ADRA1D: variants seen among roughly 807,000 people sequenced by gnomAD.
ADRA1D encodes alpha-1D adrenergic receptor.
ADRA1D carries 22 observed loss-of-function variants against 18.6 expected under a neutral mutation model. The ratio of observed to expected loss-of-function variants is 1.19; its 90% CI spans 0.85 to 1.69. The LOEUF is 1.69. Ranked by LOEUF, ADRA1D falls within the 40% of genes most tolerant of loss-of-function variation. The pLI is 0.00. For missense variants in ADRA1D, 840 were observed against 840.7 expected (o/e 1.00, Z 0.01); for synonymous variants, 376 against 388.2 (o/e 0.97, Z 0.37).
intron 1 of ADRA1D, among the ~76,000 whole-genome samples, chr20:4,237,247 A>AT: frequency 6.6e-6 from 1 of 151,996 alleles, no homozygotes; most frequent in African/African-American, 2.4e-5. Flanking sequence ...AGGACTTAAA[A>AT]TTTTGAGACC....
At chr20:4,247,658 G>C (rs1453228776) in intron 1 of ADRA1D, among the ~76,000 whole-genome samples, 189 bp downstream of exon 1, 1 of 152,202 alleles carries the variant, frequency 6.6e-6, no homozygotes, top group Non-Finnish European at 1.5e-5. Flanking sequence ...AAACGAACCT[G>C]GCGAGGATGA....
chr20:4,246,150 C>T lies in ADRA1D; in HGVS notation c.1111+1697G>A, dbSNP rs1981332594. Among the ~76,000 whole-genome samples the T allele has an allele frequency of 3.9e-5, 6 of 152,186 alleles. No homozygotes were observed. The South Asian group carries it at 1.2e-3, about 32-fold the overall frequency. On this transcript the variant is annotated intron_variant, in intron 1 of 1. Coordinates refer to ENST00000379453, the MANE Select transcript of ADRA1D (RefSeq NM_000678.4). Reference sequence around the variant, plus strand: ...AGCCTGTGATCCTCACTGCAGTGCTCTCTTTTGCTCCCCACATACCAGGCC... The same window carrying T: ...AGCCTGTGATCCTCACTGCAGTGCTTTCTTTTGCTCCCCACATACCAGGCC...
chr20:4,232,642 T>G (rs965216665), intron 1 of ADRA1D, among the ~76,000 whole-genome samples: 2 of 152,210 alleles, frequency 1.3e-5, no homozygotes, highest in Non-Finnish European at 2.9e-5. Context: ...GCTCACAAAG[T>G]CCCTTTCAGG....
At chr20:4,229,225 C>T (rs1319557289) in intron 1 of ADRA1D, among the ~76,000 whole-genome samples, 3 of 152,186 alleles carry the variant, frequency 2.0e-5, no homozygotes, top group African/African-American at 4.8e-5. Flanking sequence ...AGACCTCTCT[C>T]CTTAATTCCA....
intron 1 of ADRA1D, among the ~76,000 whole-genome samples, chr20:4,227,710 CCTT>C (rs1568763408): frequency 1.7e-5 from 1 of 57,586 alleles, no homozygotes; most frequent in Non-Finnish European, 4.2e-5. Flanking sequence ...CTCCCTCCTT[CCTT>C]CCTTCCTTCC....
At chr20:4,228,068 C>G (rs994557631) in intron 1 of ADRA1D, among the ~76,000 whole-genome samples, 1 of 152,174 alleles carries the variant, frequency 6.6e-6, no homozygotes, top group Non-Finnish European at 1.5e-5. Flanking sequence ...AACTTCCTGT[C>G]TTTTCTCTCT....
At chr20:4,236,872 G>A (rs78447721) in intron 1 of ADRA1D, among the ~76,000 whole-genome samples, 2,707 of 152,310 alleles carry the variant, frequency 0.018, 81 homozygotes, top group African/African-American at 0.061. Flanking sequence ...GGAAGGGGCC[G>A]GGGAGAGAAT....
intron 1 of ADRA1D, among the ~76,000 whole-genome samples, chr20:4,224,155 T>C (rs1040269772): frequency 1.3e-5 from 2 of 152,170 alleles, no homozygotes; most frequent in Non-Finnish European, 2.9e-5. Flanking sequence ...AAGTTCAGCT[T>C]TTATTTTGTG....
chr20:4,248,376 C>G lies in ADRA1D; in HGVS notation c.582G>C (p.Arg194=), dbSNP rs149074344. ...ILSLCTISVD[R]YVGVRHSLKY... is the part of the protein sequence containing the mutation. The stretch of plus-strand genomic sequence containing the variant: ...TGAGTGAGTGGCGCACGCCCACGTA[C>G]CGGTCCACGGAGATGGTGCAGAGGC... Residue 194 remains arginine (R), a synonymous_variant, in exon 1 of 2, where the codon CGG becomes CGC. Coordinates refer to ENST00000379453, the MANE Select transcript of ADRA1D (RefSeq NM_000678.4). 2 of 1,608,916 alleles carry G rather than the reference C, an allele frequency of 1.2e-6. No homozygotes were observed. The highest frequency in any genetic ancestry group is 1.7e-6 in the Non-Finnish European group (2 of 1,177,792).
Position 4,221,347 on chromosome 20 carries a change from C to G in ADRA1D, c.*176G>C, listed in dbSNP as rs1196674385. ...CAGCAGGGGGCCCCACTACTTTTCA[C>G]CTTTCAAGGGCTCCAGCCTCAAGCT... On this transcript the variant is annotated 3_prime_UTR_variant, in exon 2 of 2. Transcript: ENST00000379453. 1.4e-6 allele frequency: 1 copy of G among 694,292 alleles called. No homozygotes were observed. Among genetic ancestry groups the G allele is most frequent in the East Asian group, 3.1e-5 (1 of 32,486 alleles). 43.0% of individuals were successfully genotyped at this position (694,292 alleles called of 1,614,324 possible). A position where few individuals can be genotyped will look rare whatever the true frequency, so the allele number is the denominator to read the frequency against.
At position 4,221,486 on chromosome 20, in the gene ADRA1D, C is replaced by A. The variant is rs750882775; in HGVS notation, c.*37G>T. 2 of 1,571,270 alleles carry A rather than the reference C, an allele frequency of 1.3e-6. No individual in the cohort carries two copies. The highest frequency in any genetic ancestry group is 1.7e-6 in the Non-Finnish European group (2 of 1,154,578). On this transcript the variant is annotated 3_prime_UTR_variant, in exon 2 of 2. Transcript: ENST00000379453. The stretch of plus-strand genomic sequence containing the variant: ...CCGCCTCTCTGGTCCCCCTTACCCC[C>A]AAGCCCAGCACACTCCGCGGCCTAG...
At chr20:4,231,038 T>TTCTTTTTCTTTCTTTCTTTCTTTC (rs71332805) in intron 1 of ADRA1D, among the ~76,000 whole-genome samples, 1 of 108,618 alleles carries the variant, frequency 9.2e-6, no homozygotes, top group African/African-American at 3.8e-5. Flanking sequence ...CTTTCTTTCT[T>TTCTTTTTCTTTCTTTCTTTCTTTC]TTTCTTTCTT....
intron 1 of ADRA1D, among the ~76,000 whole-genome samples, chr20:4,227,048 C>T (rs1462359185): frequency 6.6e-6 from 1 of 152,228 alleles, no homozygotes; most frequent in Non-Finnish European, 1.5e-5. Flanking sequence ...GGGCATTTTC[C>T]TCTCCGTGGC....
intron 1 of ADRA1D, among the ~76,000 whole-genome samples, chr20:4,241,078 CA>C (rs1981200749): frequency 6.6e-6 from 1 of 152,094 alleles, no homozygotes; most frequent in African/African-American, 2.4e-5. Flanking sequence ...GACTCACCCC[CA>C]ACCCACAACA....
At chr20:4,225,151 A>G (rs1428068460) in intron 1 of ADRA1D, among the ~76,000 whole-genome samples, 2 of 151,560 alleles carry the variant, frequency 1.3e-5, no homozygotes, top group Admixed American at 6.6e-5. Context: ...ACAGGCACGC[A>G]CCACCATGCC....
At chr20:4,236,830 T>C (rs1981103903) in intron 1 of ADRA1D, among the ~76,000 whole-genome samples, 1 of 152,108 alleles carries the variant, frequency 6.6e-6, no homozygotes, top group Admixed American at 6.5e-5. Context: ...GGCAGGGCCA[T>C]GAGCCAAGAC....
Position 4,248,027 on chromosome 20 carries a change from C to G in ADRA1D, c.931G>C (p.Ala311Pro). ...TGCGCCCCGTCGGCGCCCGTGGCCG[C>G]GCCGCGACAGTGGATGCGCAGCACC... ...EVVLRIHCRG[A>P]ATGADGAHGM... is the part of the protein sequence containing the mutation. Residue 311 changes from alanine (A) to proline (P), a missense_variant, in exon 1 of 2, where the codon GCG becomes CCG. By Grantham distance (27) the Ala-to-Pro change is conservative. Coordinates refer to ENST00000379453, the MANE Select transcript of ADRA1D (RefSeq NM_000678.4). 6.4e-7 allele frequency: 1 copy of G among 1,553,504 alleles called. No homozygotes were observed. The highest frequency in any genetic ancestry group is 8.7e-7 in the Non-Finnish European group (1 of 1,149,140).
intron 1 of ADRA1D, among the ~76,000 whole-genome samples, chr20:4,238,117 G>A (rs995250363): frequency 6.6e-6 from 1 of 151,664 alleles, no homozygotes; most frequent in African/African-American, 2.4e-5. Flanking sequence ...GCCGGGCGTG[G>A]TGGTGGGTGC....
chr20:4,231,608 G>C (rs936745926), intron 1 of ADRA1D, among the ~76,000 whole-genome samples: 6 of 152,202 alleles, frequency 3.9e-5, no homozygotes, highest in African/African-American at 1.2e-4. Flanking sequence ...CGCTTTCCGA[G>C]TGTTCAGTAC....
Sources: allele counts gnomAD v4.1 joint callset (sites outside exome capture counted in the v4.1 genomes callset), GRCh38; gene constraint gnomAD v4.1.1; transcripts MANE v1.5; gene names NCBI Gene and HGNC (gene_info 2026-07-23, HGNC 2026-07-21).